LCOR: variants seen among roughly 807,000 people sequenced by gnomAD.
The protein encoded by LCOR is ligand-dependent corepressor.
A neutral mutation model predicts 64.4 loss-of-function variants in LCOR; 14 were observed. The ratio of observed to expected loss-of-function variants is 0.22; its 90% confidence interval spans 0.14 to 0.34. The LOEUF (loss-of-function observed/expected upper bound fraction) is 0.34, where lower values mean the gene tolerates loss of function less well. LCOR is among the 10% of genes least tolerant of loss of function. The pLI, the probability that LCOR is intolerant of heterozygous loss-of-function variation, is 1.00. For missense variants in LCOR, 1,686 were observed against 1,765.3 expected (o/e 0.96, Z 0.80); for synonymous variants, 643 against 642.5 (o/e 1.00, Z -0.01).
chr10:96,923,433 T>G (rs1259422496), intron 4 of LCOR, among the ~76,000 whole-genome samples: 1 of 152,224 alleles, frequency 6.6e-6, no homozygotes, highest in Non-Finnish European at 1.5e-5. Context: ...TTGTCACACT[T>G]CTGCAGTCTA....
rs143849610 is a variant in LCOR at position 96,915,588 on chromosome 10, T to G, written c.-184+7841T>G. On this transcript the variant is annotated intron_variant, in intron 4 of 7. Coordinates refer to ENST00000421806, the MANE Select transcript of LCOR (RefSeq NM_001346516.2). ...TGGTAAAAAATAGAATTTCAAACTA[T>G]ACAGTCACCAGAAGTACACAGTTAT... 9.3e-4 allele frequency: 695 copies of G among 747,228 alleles called. 4 individuals are homozygous for G. The African/African-American group carries it at 0.011, about 12-fold the overall frequency. The allele number at this position is 747,228 out of a possible 1,614,324, so 46.3% of individuals were successfully genotyped here.
chr10:96,883,528 T>C (rs1437100866), intron 2 of LCOR, among the ~76,000 whole-genome samples: 1 of 152,248 alleles, frequency 6.6e-6, no homozygotes, highest in African/African-American at 2.4e-5. Context: ...GTCCGTGTTC[T>C]GGATTTTGGC....
At chr10:96,842,735 A>G (rs1360964050) in intron 2 of LCOR, among the ~76,000 whole-genome samples, 1 of 146,564 alleles carries the variant, frequency 6.8e-6, no homozygotes, top group Admixed American at 7.0e-5. Context: ...GGTTCAAGTG[A>G]TTCTTCTGCC....
intron 7 of LCOR, among the ~76,000 whole-genome samples, chr10:96,966,690 G>A (rs1307432366): frequency 6.6e-6 from 1 of 152,136 alleles, no homozygotes; most frequent in African/African-American, 2.4e-5. Context: ...CTTCTAAAAG[G>A]TAAGCATTTT....
At chr10:96,898,869 G>A (rs766377696) in intron 2 of LCOR, among the ~76,000 whole-genome samples, 2 of 152,152 alleles carry the variant, frequency 1.3e-5, no homozygotes, top group Non-Finnish European at 2.9e-5. Flanking sequence ...TTATCAACAT[G>A]AGTGACATTT....
chr10:96,947,221 T>G (rs527612600), intron 5 of LCOR, among the ~76,000 whole-genome samples: 1 of 152,070 alleles, frequency 6.6e-6, no homozygotes, highest in Non-Finnish European at 1.5e-5. Flanking sequence ...ATAGTCTCTA[T>G]TTATAGAGAG....
chr10:96,987,970 G>A lies in LCOR; in HGVS notation c.*2836G>A, dbSNP rs552679664. 4 of 152,342 alleles carry A rather than the reference G, an allele frequency of 2.6e-5. No individual in the cohort carries two copies. The highest frequency in any genetic ancestry group is 1.3e-4 in the Admixed American group (2 of 15,300). 9.4% of individuals were successfully genotyped at this position (152,342 alleles called of 1,614,324 possible). A position where few individuals can be genotyped will look rare whatever the true frequency, so the allele number is the denominator to read the frequency against. ...ATCCAAATCAGAAAGGAATTCTCCTGGGTGTACACTCAGTGAAATGACTGT... is the reference window on the plus strand; with the variant it reads ...ATCCAAATCAGAAAGGAATTCTCCTAGGTGTACACTCAGTGAAATGACTGT... On this transcript the variant is annotated 3_prime_UTR_variant, in exon 8 of 8. Transcript: ENST00000421806.
intron 7 of LCOR, chr10:96,957,367 T>C (rs549409495): frequency 2.2e-4 from 212 of 985,018 alleles, no homozygotes; most frequent in Non-Finnish European, 2.4e-4. Flanking sequence ...AGATGGGCTT[T>C]TAAAATTATA....
chr10:96,953,122 A>G (rs946773430), intron 7 of LCOR, among the ~76,000 whole-genome samples: 1 of 152,176 alleles, frequency 6.6e-6, no homozygotes, highest in African/African-American at 2.4e-5. Context: ...TAAAATTCCA[A>G]AACTTTTCAT....
At chr10:96,841,136 CCT>C (rs1362063438) in intron 2 of LCOR, among the ~76,000 whole-genome samples, 1 of 151,928 alleles carries the variant, frequency 6.6e-6, no homozygotes, top group Non-Finnish European at 1.5e-5. Flanking sequence ...AGAGTGAGAC[CCT>C]GTCTCAGGAA....
rs116647072 is a variant in LCOR at position 96,902,901 on chromosome 10, G to A, written c.-329-4364G>A. The stretch of plus-strand genomic sequence containing the variant: ...GCAGTTTCATCATTTTTCAAACATC[G>A]TAAAGTATACTTACACAAACCTAGA... On this transcript the variant is annotated intron_variant, in intron 2 of 7. Coordinates refer to ENST00000421806, the MANE Select transcript of LCOR (RefSeq NM_001346516.2). Among the ~76,000 whole-genome samples the A allele has an allele frequency of 7.2e-3, 1,092 of 152,156 alleles. 14 individuals carry two copies. The highest frequency in any genetic ancestry group is 0.025 in the African/African-American group (1,054 of 41,520).
intron 4 of LCOR, chr10:96,915,981 T>C (rs1302345197): frequency 3.9e-6 from 1 of 258,348 alleles, no homozygotes; most frequent in Non-Finnish European, 7.7e-6. Context: ...CCAAGGGTCA[T>C]TCTCACCTCT....
At chr10:96,902,933 A>G (rs1846665113) in intron 2 of LCOR, among the ~76,000 whole-genome samples, 1 of 152,212 alleles carries the variant, frequency 6.6e-6, no homozygotes, top group African/African-American at 2.4e-5. Context: ...TAGATAATAT[A>G]GCCTACTACA....
intron 5 of LCOR, among the ~76,000 whole-genome samples, chr10:96,947,272 GTTA>G (rs1347816187): frequency 6.6e-6 from 1 of 151,904 alleles, no homozygotes; most frequent in Non-Finnish European, 1.5e-5. Flanking sequence ...TGACAGAAGC[GTTA>G]TTACTAGTAG....
At chr10:96,871,612 C>T (rs541463367) in intron 2 of LCOR, among the ~76,000 whole-genome samples, 86 of 148,166 alleles carry the variant, frequency 5.8e-4, no homozygotes, top group South Asian at 2.5e-3. Context: ...TTTATAGAAA[C>T]GGAGGTTTCG....
intron 7 of LCOR, among the ~76,000 whole-genome samples, chr10:96,973,582 A>G (rs898484404): frequency 3.3e-5 from 5 of 152,230 alleles, no homozygotes; most frequent in South Asian, 2.1e-4. Flanking sequence ...GGCAAAAAAT[A>G]TAACTTGTTA....
Position 96,980,970 on chromosome 10 carries a change from A to G in LCOR, c.510A>G (p.Ala170=), listed in dbSNP as rs1361500233. The change falls in exon 8 of 8, where the codon GCA becomes GCG. Residue 170 remains alanine (A), a synonymous_variant. Transcript: ENST00000421806. The part of the protein sequence containing the change: ...TEDLQPSDSG[A]MDVSTCNAGC... The stretch of plus-strand genomic sequence containing the variant: ...ACCTGCAGCCTTCTGATTCGGGAGC[A>G]ATGGATGTATCCACTTGCAATGCTG... 1.4e-6 allele frequency: 1 copy of G among 703,062 alleles called. No individual in the cohort carries two copies. The highest frequency in any genetic ancestry group is 2.6e-6 in the Non-Finnish European group (1 of 385,016). 43.6% of individuals were successfully genotyped at this position (703,062 alleles called of 1,614,324 possible).
chr10:96,909,516 CT>C (rs1230370458), intron 4 of LCOR, among the ~76,000 whole-genome samples: 2 of 152,130 alleles, frequency 1.3e-5, no homozygotes, highest in African/African-American at 4.8e-5. Context: ...ATATTTGAAT[CT>C]TTTGTTCCTT....
chr10:96,913,229 A>G (rs937371297), intron 4 of LCOR, among the ~76,000 whole-genome samples: 1 of 152,116 alleles, frequency 6.6e-6, no homozygotes, highest in African/African-American at 2.4e-5. Flanking sequence ...CTAGAGTGTC[A>G]TTGCTTTGAA....
Sources: allele counts gnomAD v4.1 joint callset (sites outside exome capture counted in the v4.1 genomes callset), GRCh38; gene constraint gnomAD v4.1.1; transcripts MANE v1.5; gene names NCBI Gene and HGNC (gene_info 2026-07-23, HGNC 2026-07-21).